TP63: variants seen among roughly 807,000 people sequenced by gnomAD.
TP63 encodes tumor protein 63.
A neutral mutation model predicts 82.8 loss-of-function variants in TP63; 17 were observed. The observed-to-expected ratio is 0.21, with a 90% CI of 0.14 to 0.31. The LOEUF (loss-of-function observed/expected upper bound fraction) is 0.31, where lower values mean the gene tolerates loss of function less well. TP63 is among the 10% of genes least tolerant of loss of function. TP63 has a pLI of 1.00. For synonymous variants in TP63, 330 were observed against 321.7 expected (o/e 1.03, Z -0.28); for missense variants, 648 against 895.3 (o/e 0.72, Z 3.52).
the TP63 span, among the ~76,000 whole-genome samples, chr3:189,624,252 G>A: frequency 6.6e-6 from 1 of 152,016 alleles, no homozygotes; most frequent in Non-Finnish European, 1.5e-5. Flanking sequence ...AGCAGATCAC[G>A]TAAATTTTTC....
At chr3:189,688,793 T>C (rs1383690269) in intron 1 of TP63, among the ~76,000 whole-genome samples, 1 of 152,218 alleles carries the variant, frequency 6.6e-6, no homozygotes, top group African/African-American at 2.4e-5. Context: ...GATTTTTGTT[T>C]ATAGCAGGTG....
intron 3 of TP63, among the ~76,000 whole-genome samples, chr3:189,758,900 TATGAAAGCCAACA>T (rs1483700848): frequency 9.2e-5 from 14 of 152,126 alleles, no homozygotes; most frequent in African/African-American, 3.1e-4. Context: ...ACAGACTTCT[TATGAAAGCCAACA>T]CTCTTTTGTC....
At chr3:189,890,230 G>A (rs1317202149) in intron 12 of TP63, among the ~76,000 whole-genome samples, 1 of 152,082 alleles carries the variant, frequency 6.6e-6, no homozygotes, top group Non-Finnish European at 1.5e-5. Flanking sequence ...TTCCACCCAG[G>A]GTCTGTTCTG....
chr3:189,678,527 G>A (rs77860700), intron 1 of TP63, among the ~76,000 whole-genome samples: 176 of 151,834 alleles, frequency 1.2e-3, no homozygotes, highest in African/African-American at 3.9e-3. Flanking sequence ...TGAAATCTCC[G>A]GCTTTGTTCT....
At chr3:189,841,976 T>C (rs1274758772) in intron 4 of TP63, among the ~76,000 whole-genome samples, 1 of 152,124 alleles carries the variant, frequency 6.6e-6, no homozygotes, top group Admixed American at 6.5e-5. Flanking sequence ...GCGTGACTTC[T>C]TGATACAACA....
intron 4 of TP63, among the ~76,000 whole-genome samples, chr3:189,850,037 T>G (rs546281258): frequency 6.6e-6 from 1 of 152,280 alleles, no homozygotes; most frequent in Non-Finnish European, 1.5e-5. Context: ...CCGAGTACTT[T>G]GACAGGCTGA....
intron 3 of TP63, among the ~76,000 whole-genome samples, chr3:189,768,192 A>G (rs972244241): frequency 6.6e-6 from 1 of 152,244 alleles, no homozygotes; most frequent in African/African-American, 2.4e-5. Flanking sequence ...TAATATGACT[A>G]TGGTGAAAAC....
intron 1 of TP63, among the ~76,000 whole-genome samples, chr3:189,681,274 A>T (rs1011108740): frequency 2.0e-5 from 3 of 151,968 alleles, no homozygotes; most frequent in African/African-American, 7.2e-5. Context: ...ATATTTTCAT[A>T]AGTGAATAGT....
intron 1 of TP63, among the ~76,000 whole-genome samples, chr3:189,686,119 G>A (rs1229409385): frequency 2.6e-5 from 4 of 152,178 alleles, no homozygotes; most frequent in Non-Finnish European, 5.9e-5. Context: ...AGAAGAGAGT[G>A]CAGAGCTGTG....
At chr3:189,789,645 C>T in intron 3 of TP63, 1 of 1,408,520 alleles carries the variant, frequency 7.1e-7, no homozygotes, top group Non-Finnish European at 9.2e-7. Context: ...TATTAGGAAA[C>T]CTTAAATTAT....
At chr3:189,677,380 T>TTATATATATAAA (rs575362325) in intron 1 of TP63, among the ~76,000 whole-genome samples, 1 of 123,070 alleles carries the variant, frequency 8.1e-6, no homozygotes, top group Non-Finnish European at 1.7e-5. Context: ...ATGTAAATAA[T>TTATATATATAAA]TATATATAAA....
chr3:189,682,676 T>G (rs900289045), intron 1 of TP63, among the ~76,000 whole-genome samples: 13 of 151,574 alleles, frequency 8.6e-5, no homozygotes, highest in African/African-American at 2.9e-4. Flanking sequence ...CTAATTTATT[T>G]CACTTAGGAG....
At chr3:189,757,875 A>G (rs1477991104) in intron 3 of TP63, among the ~76,000 whole-genome samples, 1 of 151,938 alleles carries the variant, frequency 6.6e-6, no homozygotes, top group African/African-American at 2.4e-5. Context: ...CGATAGATAG[A>G]AAAAAAACCT....
intron 3 of TP63, among the ~76,000 whole-genome samples, chr3:189,778,768 G>T (rs1724012963): frequency 6.6e-6 from 1 of 152,164 alleles, no homozygotes; most frequent in Non-Finnish European, 1.5e-5. Flanking sequence ...CACTTACGTT[G>T]TTATCAACTC....
intron 3 of TP63, among the ~76,000 whole-genome samples, chr3:189,751,575 G>A (rs1329415971): frequency 6.6e-6 from 1 of 152,172 alleles, no homozygotes; most frequent in Admixed American, 6.5e-5. Flanking sequence ...GGCCAGTGAT[G>A]GTGAGCATTT....
At position 189,895,898 on chromosome 3, in the gene TP63, T is replaced by C. The variant is rs1721429981; in HGVS notation, c.*1396T>C. ...TTTAACCGGTAAGAGTTTCAGTTTG[T>C]TGGAAAGTAACTGTGAGAACCCAGT... On this transcript the variant is annotated 3_prime_UTR_variant, in exon 14 of 14. Transcript: ENST00000264731. 4.4e-6 allele frequency: 1 copy of C among 227,094 alleles called. No individual in the cohort carries two copies. The highest frequency in any genetic ancestry group is 8.8e-6 in the Non-Finnish European group (1 of 114,258). The allele number at this position is 227,094 out of a possible 1,614,324, so 14.1% of individuals were successfully genotyped here. A position where few individuals can be genotyped will look rare whatever the true frequency, so the allele number is the denominator to read the frequency against.
intron 3 of TP63, among the ~76,000 whole-genome samples, chr3:189,802,832 G>A (rs1262851934): frequency 6.6e-6 from 1 of 152,256 alleles, no homozygotes; most frequent in Admixed American, 6.5e-5. Flanking sequence ...CAAAGGTCTG[G>A]TTGAATCGAG....
chr3:189,808,205 G>A, intron 3 of TP63, 67 bp from the exon 4 acceptor site: 3 of 1,613,906 alleles, frequency 1.9e-6, no homozygotes, highest in South Asian at 1.1e-5. Context: ...ACCCATGGAT[G>A]CCTTTTTTTG....
At chr3:189,599,478 G>A in the TP63 span, among the ~76,000 whole-genome samples, 6 of 152,182 alleles carry the variant, frequency 3.9e-5, no homozygotes, top group African/African-American at 1.4e-4. Flanking sequence ...TGAAACTGGA[G>A]TGCTTCAATA....
Sources: gnomAD v4.1 joint callset for allele counts (sites outside exome capture counted in the v4.1 genomes callset) on GRCh38, gnomAD v4.1.1 for gene constraint, MANE v1.5 for transcripts, NCBI Gene and HGNC (gene_info 2026-07-23, HGNC 2026-07-21) for gene names.